Variants in SLC5A4 observed in about 807,000 individuals in gnomAD.
SLC5A4 encodes solute carrier family 5 member 4.
In SLC5A4, 55 loss-of-function variants were observed where a neutral mutation model predicts 70.3. That is an observed-to-expected ratio of 0.78 (90% CI 0.63 to 0.98). SLC5A4 has a LOEUF of 0.98. SLC5A4 is among the 50% of genes least tolerant of loss of function. The pLI, the probability that SLC5A4 is intolerant of heterozygous loss-of-function variation, is 0.00. For missense variants in SLC5A4, 735 were observed against 839.2 expected, an observed-to-expected ratio of 0.88 and a Z score of 1.53; for synonymous variants, 268 against 305.7, an observed-to-expected ratio of 0.88 and a Z score of 1.29.
chr22:32,312,657 G>A, the SLC5A4 span, among the ~76,000 whole-genome samples: 7 of 151,978 alleles, frequency 4.6e-5, no homozygotes, highest in South Asian at 2.1e-4. Context: ...GAGTTTGCTC[G>A]TAATCTTAGA....
chr22:32,226,628 T>C (rs1278051039), intron 11 of SLC5A4, among the ~76,000 whole-genome samples: 1 of 152,216 alleles, frequency 6.6e-6, no homozygotes, highest in African/African-American at 2.4e-5. Flanking sequence ...AGTCTTAGCA[T>C]AATGCCTAAA....
At chr22:32,283,289 C>T in the SLC5A4 span, among the ~76,000 whole-genome samples, 3 of 152,224 alleles carry the variant, frequency 2.0e-5, no homozygotes, top group African/African-American at 4.8e-5. Flanking sequence ...CTCAGATATT[C>T]GCTGGGCTCA....
chr22:32,268,730 G>A, the SLC5A4 span, among the ~76,000 whole-genome samples: 1 of 152,172 alleles, frequency 6.6e-6, no homozygotes, highest in African/African-American at 2.4e-5. Context: ...GACTAGAGAT[G>A]ACTAGAGATT....
At chr22:32,283,239 G>A in the SLC5A4 span, among the ~76,000 whole-genome samples, 7,617 of 152,270 alleles carry the variant, frequency 0.05, 370 homozygotes, top group Admixed American at 0.15. Flanking sequence ...CTGCCCCAGG[G>A]CCTTTGCACT....
the SLC5A4 span, among the ~76,000 whole-genome samples, chr22:32,340,404 T>C: frequency 6.6e-6 from 1 of 152,204 alleles, no homozygotes; most frequent in Non-Finnish European, 1.5e-5. Context: ...CACTGTTCTA[T>C]ATGCTGGGGT....
chr22:32,272,380 C>G, the SLC5A4 span: 1 of 897,350 alleles, frequency 1.1e-6, no homozygotes. Context: ...CCTGTGAAGC[C>G]TGCGGGCCAG....
chr22:32,290,509 G>A, the SLC5A4 span, among the ~76,000 whole-genome samples: 1 of 152,176 alleles, frequency 6.6e-6, no homozygotes, highest in South Asian at 2.1e-4. Flanking sequence ...TTGAAAACTT[G>A]TACTTTTTAT....
At position 32,232,857 on chromosome 22, in the gene SLC5A4, A is replaced by G. The variant is rs767549099; in HGVS notation, c.1021+42T>C. 3.8e-6 allele frequency: 6 copies of G among 1,578,094 alleles called. No homozygotes were observed. The Admixed American group carries it at 9.2e-5, about 24-fold the overall frequency. On this transcript the variant is annotated intron_variant, in intron 9 of 14. Transcript: ENST00000266086. ...ACATTTTAAAAACACTTATCAGAAT[A>G]CAAGCATAAAAAAAGAGAGAACATA...
At chr22:32,324,947 G>A in the SLC5A4 span, among the ~76,000 whole-genome samples, 1 of 152,236 alleles carries the variant, frequency 6.6e-6, no homozygotes, top group East Asian at 1.9e-4. Flanking sequence ...GCACGCCTTG[G>A]TCACATGCGG....
chr22:32,227,523 C>A (rs886289698), intron 11 of SLC5A4, among the ~76,000 whole-genome samples: 12 of 152,206 alleles, frequency 7.9e-5, no homozygotes, highest in Non-Finnish European at 1.5e-4. Flanking sequence ...ATACCAATTT[C>A]TTTGAAAAGA....
At chr22:32,307,557 T>G in the SLC5A4 span, among the ~76,000 whole-genome samples, 1 of 152,176 alleles carries the variant, frequency 6.6e-6, no homozygotes, top group African/African-American at 2.4e-5. Context: ...GTCCATGTCA[T>G]TGAATGGGTT....
chr22:32,351,726 G>A, the SLC5A4 span, among the ~76,000 whole-genome samples: 1 of 60,968 alleles, frequency 1.6e-5, no homozygotes, highest in Admixed American at 1.5e-4. Flanking sequence ...GTGGGGGGAG[G>A]GTGGGGGCGG....
chr22:32,323,685 G>A, the SLC5A4 span, among the ~76,000 whole-genome samples: 50 of 152,310 alleles, frequency 3.3e-4, no homozygotes, highest in Non-Finnish European at 6.0e-4. Context: ...GGTGATGGTC[G>A]AGGCCTCTGC....
At chr22:32,248,486 T>C (rs1926957515) in intron 4 of SLC5A4, among the ~76,000 whole-genome samples, 1 of 152,172 alleles carries the variant, frequency 6.6e-6, no homozygotes, top group Non-Finnish European at 1.5e-5. Flanking sequence ...AGCTTCCTGT[T>C]GACCGACTTC....
At chr22:32,330,935 ATG>A in the SLC5A4 span, among the ~76,000 whole-genome samples, 27 of 19,234 alleles carry the variant, frequency 1.4e-3, no homozygotes, top group Non-Finnish European at 2.3e-3. Context: ...TCTGGTGTGT[ATG>A]TGTTGGAGGC....
the SLC5A4 span, among the ~76,000 whole-genome samples, chr22:32,312,365 GCACACACACA>G: frequency 9.8e-6 from 1 of 102,120 alleles, no homozygotes; most frequent in African/African-American, 3.1e-5. Context: ...ACGCGCGCGC[GCACACACACA>G]CACACACACA....
chr22:32,306,560 A>T, the SLC5A4 span, among the ~76,000 whole-genome samples: 1 of 152,024 alleles, frequency 6.6e-6, no homozygotes, highest in African/African-American at 2.4e-5. Context: ...ATTATTAGGA[A>T]TGTTTTTGGT....
chr22:32,351,465 A>G, the SLC5A4 span, among the ~76,000 whole-genome samples: 225 of 151,794 alleles, frequency 1.5e-3, 1 homozygote, highest in Non-Finnish European at 1.0e-3. Context: ...GCACTCTGAG[A>G]GGCTGAGATG....
intron 2 of SLC5A4, among the ~76,000 whole-genome samples, chr22:32,252,233 A>T (rs1268734440): frequency 6.6e-6 from 1 of 151,004 alleles, no homozygotes; most frequent in Admixed American, 6.6e-5. Flanking sequence ...CTGTCTCAAA[A>T]AAAAAAAAAA....
Sources: gnomAD v4.1 joint callset for allele counts (sites outside exome capture counted in the v4.1 genomes callset) on GRCh38, gnomAD v4.1.1 for gene constraint, MANE v1.5 for transcripts, NCBI Gene and HGNC (gene_info 2026-07-23, HGNC 2026-07-21) for gene names.